Variants in GABRG2 observed in about 807,000 individuals in gnomAD.
GABRG2 encodes gamma-aminobutyric acid type A receptor subunit gamma2, also known as gamma-aminobutyric acid receptor subunit gamma-2.
Under a neutral mutation model 56.4 loss-of-function variants are expected in GABRG2, and 16 were observed. That is an observed-to-expected ratio of 0.28 (90% confidence interval 0.19 to 0.43). GABRG2 has a LOEUF of 0.43. Ranked by LOEUF, GABRG2 falls within the 20% of genes least tolerant of loss-of-function variation. GABRG2 has a pLI of 1.00. For synonymous variants in GABRG2, 208 were observed against 205.5 expected (o/e 1.01, Z -0.10); for missense variants, 327 against 582.7 (o/e 0.56, Z 4.52).
chr5:162,079,934 C>T (rs1171072728), intron 1 of GABRG2, among the ~76,000 whole-genome samples: 1 of 152,096 alleles, frequency 6.6e-6, no homozygotes, highest in Admixed American at 6.6e-5. Context: ...GGTGCACCAC[C>T]ATGCTCAGCT....
intron 6 of GABRG2, among the ~76,000 whole-genome samples, chr5:162,113,220 A>C (rs1217241341): frequency 6.6e-6 from 1 of 152,144 alleles, no homozygotes; most frequent in Non-Finnish European, 1.5e-5. Context: ...GGTTACAAGC[A>C]TGAGCCACCA....
At chr5:162,079,924 G>A (rs1759515349) in intron 1 of GABRG2, among the ~76,000 whole-genome samples, 2 of 151,786 alleles carry the variant, frequency 1.3e-5, no homozygotes, top group Admixed American at 6.6e-5. Flanking sequence ...AGATTACAGG[G>A]GTGCACCACC....
intron 6 of GABRG2, among the ~76,000 whole-genome samples, chr5:162,119,472 T>G (rs185153387): frequency 6.6e-6 from 1 of 152,236 alleles, no homozygotes; most frequent in Non-Finnish European, 1.5e-5. Flanking sequence ...ATAATTCTCT[T>G]AAGAACTTTG....
intron 6 of GABRG2, among the ~76,000 whole-genome samples, chr5:162,114,705 C>G (rs1762493038): frequency 6.6e-6 from 1 of 152,166 alleles, no homozygotes; most frequent in Admixed American, 6.6e-5. Flanking sequence ...ATCTAGATCT[C>G]ACCTTTTGAC....
chr5:162,103,605 G>C (rs1478003743), intron 5 of GABRG2: 1 of 422,420 alleles, frequency 2.4e-6, no homozygotes, highest in South Asian at 2.2e-5. Flanking sequence ...ATGATGTAAA[G>C]TATGCATATG....
At chr5:162,087,633 A>C (rs559646197) in intron 1 of GABRG2, among the ~76,000 whole-genome samples, 1 of 152,234 alleles carries the variant, frequency 6.6e-6, no homozygotes, top group African/African-American at 2.4e-5. Context: ...AGAGAGAGAT[A>C]GAAAAAATTC....
intron 1 of GABRG2, among the ~76,000 whole-genome samples, chr5:162,090,736 G>A (rs1374342447): frequency 6.6e-6 from 1 of 152,104 alleles, no homozygotes; most frequent in Non-Finnish European, 1.5e-5. Context: ...GTACCAGGAG[G>A]AGTAATAACT....
chr5:162,076,339 C>T (rs1217579245), intron 1 of GABRG2, among the ~76,000 whole-genome samples: 1 of 152,088 alleles, frequency 6.6e-6, no homozygotes, highest in Non-Finnish European at 1.5e-5. Flanking sequence ...CGCTCCCCAT[C>T]CCTGCTAAAC....
At chr5:162,089,581 G>A (rs1760403113) in intron 1 of GABRG2, among the ~76,000 whole-genome samples, 1 of 151,898 alleles carries the variant, frequency 6.6e-6, no homozygotes, top group Non-Finnish European at 1.5e-5. Context: ...ACCAAAAATT[G>A]TACCAAGAAA....
chr5:162,070,659 T>C (rs899407277), intron 1 of GABRG2, among the ~76,000 whole-genome samples: 2 of 152,056 alleles, frequency 1.3e-5, no homozygotes, highest in Non-Finnish European at 2.9e-5. Flanking sequence ...TAAAGCATCG[T>C]AGTGAGAATA....
At chr5:162,138,856 C>A (rs1194156824) in intron 6 of GABRG2, among the ~76,000 whole-genome samples, 1 of 152,060 alleles carries the variant, frequency 6.6e-6, no homozygotes, top group Non-Finnish European at 1.5e-5. Context: ...AAATTATTTT[C>A]TATTATTTCA....
intron 1 of GABRG2, among the ~76,000 whole-genome samples, chr5:162,089,784 C>T (rs1234317983): frequency 6.6e-6 from 1 of 152,082 alleles, no homozygotes; most frequent in Non-Finnish European, 1.5e-5. Context: ...CTTTATTTCT[C>T]ATCCAAATAT....
At chr5:162,123,383 T>TTATTTAG (rs1228234778) in intron 6 of GABRG2, among the ~76,000 whole-genome samples, 1 of 151,850 alleles carries the variant, frequency 6.6e-6, no homozygotes, top group Non-Finnish European at 1.5e-5. Flanking sequence ...TATCTAATTA[T>TTATTTAG]CTAATTATTT....
intron 6 of GABRG2, among the ~76,000 whole-genome samples, chr5:162,110,185 C>T (rs550366560): frequency 7.4e-4 from 112 of 152,168 alleles, no homozygotes; most frequent in African/African-American, 2.6e-3. Flanking sequence ...ATTTATCTTC[C>T]TTTCCACCAG....
chr5:162,093,246 C>T (rs1274861424), intron 1 of GABRG2, among the ~76,000 whole-genome samples: 1 of 151,998 alleles, frequency 6.6e-6, no homozygotes, highest in Non-Finnish European at 1.5e-5. Flanking sequence ...ATAAATGATC[C>T]ACCTTTGCCT....
chr5:162,085,768 C>T (rs1199211408), intron 1 of GABRG2, among the ~76,000 whole-genome samples: 1 of 151,776 alleles, frequency 6.6e-6, no homozygotes, highest in Non-Finnish European at 1.5e-5. Flanking sequence ...TGTGTTGCTC[C>T]TCTCTATTTG....
At chr5:162,146,650 T>C (rs1388531329) in intron 7 of GABRG2, among the ~76,000 whole-genome samples, 1 of 151,232 alleles carries the variant, frequency 6.6e-6, no homozygotes, top group East Asian at 1.9e-4. Flanking sequence ...GATGCTCCAC[T>C]GTGGGATTAT....
rs931309026 is a variant in GABRG2 at position 162,088,459 on chromosome 5, C to T, written c.108-5369C>T. On this transcript the variant is annotated intron_variant, in intron 1 of 9. Transcript: ENST00000639213. Reference sequence around the variant, plus strand: ...ATGAGGCAGATGATCACATCCATTACGTTAAATTGCAAGCTTTCCTTTTAT... The same window carrying T: ...ATGAGGCAGATGATCACATCCATTATGTTAAATTGCAAGCTTTCCTTTTAT... Among the ~76,000 whole-genome samples, 35 of 152,154 alleles carry T rather than the reference C, an allele frequency of 2.3e-4. 1 individual carries two copies. The highest frequency in any genetic ancestry group is 9.2e-4 in the Admixed American group (14 of 15,256).
intron 6 of GABRG2, among the ~76,000 whole-genome samples, chr5:162,114,834 A>G (rs938960129): frequency 7.2e-5 from 11 of 152,176 alleles, no homozygotes; most frequent in African/African-American, 2.7e-4. Context: ...TAAAATTGCA[A>G]AGTTCTATAT....
Sources: gnomAD v4.1 joint callset for allele counts (sites outside exome capture counted in the v4.1 genomes callset) on GRCh38, gnomAD v4.1.1 for gene constraint, MANE v1.5 for transcripts, NCBI Gene and HGNC (gene_info 2026-07-23, HGNC 2026-07-21) for gene names.